The following PC variants were observed in gnomAD, a reference collection of about 807,000 sequenced individuals.
PC encodes pyruvate carboxylase, mitochondrial.
A neutral mutation model predicts 107.8 loss-of-function variants in PC; 46 were observed. That is an observed-to-expected ratio of 0.43 (90% CI 0.34 to 0.55). The LOEUF is 0.55. Ranked by LOEUF, PC falls within the 20% of genes least tolerant of loss-of-function variation. The pLI, the probability that PC is intolerant of heterozygous loss-of-function variation, is 0.04. For synonymous variants in PC, 662 were observed against 684.7 expected (o/e 0.97, Z 0.52); for missense variants, 1,241 against 1,643.1 (o/e 0.76, Z 4.23).
Position 66,858,651 on chromosome 11 carries a change from C to A in PC, c.1368+5123G>T. The A allele has an allele frequency of 6.5e-7, 1 of 1,541,206 alleles. No individual in the cohort carries two copies. Among genetic ancestry groups the A allele is most frequent in the Non-Finnish European group, 8.7e-7 (1 of 1,144,006 alleles). ...AGGCCAGCGGGCCACGCTGCGGTGCCGGGCCCTGGGTGACCCCGCGCCTAC... is the reference window on the plus strand; with the variant it reads ...AGGCCAGCGGGCCACGCTGCGGTGCAGGGCCCTGGGTGACCCCGCGCCTAC... On this transcript the variant is annotated intron_variant, in intron 12 of 22. Coordinates refer to ENST00000393960, the MANE Select transcript of PC (RefSeq NM_001040716.2). The surrounding 1 kb of genome is among the most constrained non-coding windows in gnomAD (Gnocchi z 5.9).
intron 3 of PC, among the ~76,000 whole-genome samples, chr11:66,890,123 G>A (rs921570282): frequency 6.6e-6 from 1 of 152,158 alleles, no homozygotes; most frequent in Non-Finnish European, 1.5e-5. Flanking sequence ...GGGCCTCGGG[G>A]AGAAGATTAG....
Position 66,850,297 on chromosome 11 carries a change from T to C in PC, c.2641A>G (p.Met881Val), listed in dbSNP as rs1347156029. ...TCCTTGAACTTGGAGCCAAGCCCCA[T>C]GCTGTGGGCCTGGAAGTGCAGGTTG... ...YTNLHFQAHS[M>V]GLGSKFKEVK... Residue 881 changes from methionine to valine, a missense_variant, in exon 19 of 23, where the codon ATG becomes GTG. This residue lies in a region of PC where 1,143 missense variants were observed against 1,551.9 expected (regional missense o/e 0.74). Coordinates refer to ENST00000393960, the MANE Select transcript of PC (RefSeq NM_001040716.2). 4 of 1,614,090 alleles carry C rather than the reference T, an allele frequency of 2.5e-6. No homozygotes were observed. Among genetic ancestry groups the C allele is most frequent in the Non-Finnish European group, 3.4e-6 (4 of 1,180,014 alleles).
intron 3 of PC, among the ~76,000 whole-genome samples, chr11:66,874,670 C>T (rs1368047958): frequency 1.3e-5 from 2 of 152,186 alleles, no homozygotes; most frequent in African/African-American, 4.8e-5. Flanking sequence ...ATGCCAGGCA[C>T]AGTTCTAAGC....
At chr11:66,902,049 C>T (rs1254885942) in intron 3 of PC, among the ~76,000 whole-genome samples, 1 of 152,142 alleles carries the variant, frequency 6.6e-6, no homozygotes, top group Non-Finnish European at 1.5e-5. Flanking sequence ...TACCAAAGTA[C>T]CCAGTCCATG....
In PC at chr11:66,850,941, G is replaced by T. The variant is rs768718604; in HGVS notation, c.2224-18C>A. The T allele has an allele frequency of 3.4e-5, 55 of 1,605,096 alleles. No individual in the cohort carries two copies. In the Admixed American group the frequency reaches 9.2e-4, roughly 27 times the overall value. ...GCCATGTCCTGGGGGAAGTGGGAGAGAGAGAGAGAGAGATGGTAGAGAGGG... is the reference window on the plus strand; with the variant it reads ...GCCATGTCCTGGGGGAAGTGGGAGATAGAGAGAGAGAGATGGTAGAGAGGG... On this transcript the variant is annotated intron_variant, in intron 17 of 22. Coordinates refer to ENST00000393960, the MANE Select transcript of PC (RefSeq NM_001040716.2).
At chr11:66,936,078 CAA>C (rs11346699) in intron 3 of PC, among the ~76,000 whole-genome samples, 19,091 of 104,756 alleles carry the variant, frequency 0.18, 1,575 homozygotes, top group East Asian at 0.32. Context: ...GACCCTGTCT[CAA>C]AAAAAAAAAA....
intron 3 of PC, among the ~76,000 whole-genome samples, chr11:66,924,041 A>G (rs1948656132): frequency 6.6e-6 from 1 of 151,674 alleles, no homozygotes; most frequent in African/African-American, 2.4e-5. Context: ...TGTCTCTACT[A>G]AAATACAAAA....
Position 66,939,557 on chromosome 11 carries a change from T to C in PC, c.-1+12873A>G, listed in dbSNP as rs553542477. 2.0e-5 allele frequency among the ~76,000 whole-genome samples: 3 copies of C among 152,100 alleles called. No individual in the cohort carries two copies. The East Asian group carries it at 5.8e-4, about 29-fold the overall frequency. ...CAGTGGTTCACGCCTGTAATCCTAA[T>C]ACTTTGGGAGGCCAAGGCGGGTGGA... On this transcript the variant is annotated intron_variant, in intron 3 of 22. Coordinates refer to ENST00000393960, the MANE Select transcript of PC (RefSeq NM_001040716.2).
At position 66,854,640 on chromosome 11, in the gene PC, C is replaced by T. The variant is rs183579964; in HGVS notation, c.1369-1257G>A. On this transcript the variant is annotated intron_variant, in intron 12 of 22. Coordinates refer to ENST00000393960, the MANE Select transcript of PC (RefSeq NM_001040716.2). Reference sequence around the variant, plus strand: ...GTGTAGCGACAGCCCTGGCTTCCACCGCGAAGAAAACACCTCCACGCGTCA... The same window carrying T: ...GTGTAGCGACAGCCCTGGCTTCCACTGCGAAGAAAACACCTCCACGCGTCA... 3.2e-3 allele frequency among the ~76,000 whole-genome samples: 481 copies of T among 152,312 alleles called. 1 individual carries two copies. Among genetic ancestry groups the T allele is most frequent in the Non-Finnish European group, 4.7e-3 (323 of 68,022 alleles).
intron 3 of PC, among the ~76,000 whole-genome samples, chr11:66,920,625 C>T (rs1050909517): frequency 2.6e-5 from 4 of 152,094 alleles, no homozygotes; most frequent in African/African-American, 7.2e-5. Context: ...TCTTTGTCTT[C>T]GCCGCACCCT....
At position 66,851,175 on chromosome 11, in the gene PC, G is replaced by A. The variant is rs975494289; in HGVS notation, c.2088C>T (p.Ala696=). 1.2e-5 allele frequency: 19 copies of A among 1,611,554 alleles called. No individual in the cohort carries two copies. Among genetic ancestry groups the A allele is most frequent in the Admixed American group, 5.0e-5 (3 of 60,012 alleles). Residue 696 remains alanine (A), a synonymous_variant, in exon 17 of 23, where the codon GCC becomes GCT. Transcript: ENST00000393960. The part of the protein sequence containing the change: ...MLLGMEAAGS[A]GGVVEAAISY... ...AGATGGCAGCCTCCACCACGCCTCC[G>A]GCACTTCCTGCCGCCTCCATGCCCA...
At chr11:66,855,409 G>C (rs755903209) in intron 12 of PC, among the ~76,000 whole-genome samples, 1 of 152,280 alleles carries the variant, frequency 6.6e-6, no homozygotes, top group South Asian at 2.1e-4. Context: ...GTGGCTCCCT[G>C]GTTAATGCGA....
At chr11:66,919,354 T>C (rs1948541054) in intron 3 of PC, among the ~76,000 whole-genome samples, 2 of 152,174 alleles carry the variant, frequency 1.3e-5, no homozygotes, top group East Asian at 3.8e-4. Flanking sequence ...AGGCAGAAGT[T>C]GCCATGAGCC....
intron 3 of PC, among the ~76,000 whole-genome samples, chr11:66,912,269 G>A (rs1334424315): frequency 3.9e-5 from 6 of 152,148 alleles, no homozygotes; most frequent in Non-Finnish European, 8.8e-5. Flanking sequence ...CAACACACTG[G>A]AAAAGTCAAA....
Position 66,902,403 on chromosome 11 carries a change from T to C in PC, c.1-30244A>G, listed in dbSNP as rs75072919. On this transcript the variant is annotated intron_variant, in intron 3 of 22. Transcript: ENST00000393960. ...GAGTGCCAGCCACTGCACTGAGTGA[T>C]TTCTATGATCTCAATCATCAGAGGG... Among the ~76,000 whole-genome samples the C allele has an allele frequency of 8.5e-5, 13 of 152,234 alleles. No homozygotes were observed. In the East Asian group the frequency reaches 2.3e-3, roughly 27 times the overall value.
In PC at chr11:66,866,546, C is replaced by T. The variant is rs1167708762; in HGVS notation, c.1023-197G>A. Among the ~76,000 whole-genome samples, 4 of 152,170 alleles carry T rather than the reference C, an allele frequency of 2.6e-5. No individual in the cohort carries two copies. In the East Asian group the frequency reaches 7.7e-4, roughly 29 times the overall value. Reference sequence around the variant, plus strand: ...GCCCCTGCCCTGCTCCCGCCGGGAGCCGACTAAACTACACAGTGCCTGGCA... The same window carrying T: ...GCCCCTGCCCTGCTCCCGCCGGGAGTCGACTAAACTACACAGTGCCTGGCA... On this transcript the variant is annotated intron_variant, in intron 10 of 22. Coordinates refer to ENST00000393960, the MANE Select transcript of PC (RefSeq NM_001040716.2). The surrounding 1 kb of genome is among the most constrained non-coding windows in gnomAD (Gnocchi z 5.4).
At chr11:66,910,002 C>T (rs1252742534) in intron 3 of PC, among the ~76,000 whole-genome samples, 2 of 152,008 alleles carry the variant, frequency 1.3e-5, no homozygotes, top group Non-Finnish European at 2.9e-5. Flanking sequence ...ACAGAAAGCC[C>T]GGTGTTGAAA....
chr11:66,883,845 A>G (rs1300032680), intron 3 of PC, among the ~76,000 whole-genome samples: 2 of 152,156 alleles, frequency 1.3e-5, no homozygotes, highest in Non-Finnish European at 2.9e-5. Flanking sequence ...CAGCACTTTA[A>G]GAGGCCGAGG....
rs767122251 is a variant in PC, at chr11:66,870,494, C to A, written c.752-41G>T. 3.1e-6 allele frequency: 5 copies of A among 1,604,312 alleles called. No individual in the cohort carries two copies. The South Asian group carries it at 5.5e-5, about 18-fold the overall frequency. ...AACTGGGCTTAGCTTTTACTGGAAT[C>A]TACACGCCTCCTAAATGCCCCATCA... On this transcript the variant is annotated intron_variant, in intron 8 of 22. Transcript: ENST00000393960. The surrounding 1 kb of genome is among the most constrained non-coding windows in gnomAD (Gnocchi z 6.1).
Sources: gnomAD v4.1 joint callset for allele counts (sites outside exome capture counted in the v4.1 genomes callset) on GRCh38, gnomAD v4.1.1 for gene constraint, gnomAD v4.1.1 regional missense constraint, Gnocchi (gnomAD v3.1) non-coding constraint, MANE v1.5 for transcripts, NCBI Gene and HGNC (gene_info 2026-07-23, HGNC 2026-07-21) for gene names.